The following ANXA8 variants were observed in gnomAD, a reference collection of about 807,000 sequenced individuals.
ANXA8 encodes the protein VAC-beta.
A neutral mutation model predicts 26.8 loss-of-function variants in ANXA8; 9 were observed. The observed-to-expected ratio is 0.34, with a 90% CI of 0.20 to 0.59. The LOEUF is 0.59. Among genes scored for constraint, ANXA8 ranks in the 20% least tolerant of loss-of-function variants. ANXA8 has a pLI of 0.84. For synonymous variants in ANXA8, 39 were observed against 94.8 expected (o/e 0.41, Z 3.42); for missense variants, 83 against 238.5 (o/e 0.35, Z 4.29).
chr10:47,670,155 T>C, the ANXA8 span, among the ~76,000 whole-genome samples: 7 of 152,092 alleles, frequency 4.6e-5, no homozygotes, highest in East Asian at 1.3e-3. Flanking sequence ...CATAATATTT[T>C]TGTGGTTCAT....
chr10:47,671,834 A>C, the ANXA8 span, among the ~76,000 whole-genome samples: 1 of 151,708 alleles, frequency 6.6e-6, no homozygotes, highest in Admixed American at 6.6e-5. Flanking sequence ...GAAAAAAATA[A>C]TTTTTAATTA....
At chr10:47,487,534 C>T, upstream of ANXA8, 1 of 463,854 alleles carries the variant, frequency 2.2e-6, no homozygotes, top group South Asian at 2.4e-5. Context: ...CCAAGGGCAG[C>T]AGGATTACTG....
chr10:47,669,520 A>G, the ANXA8 span, among the ~76,000 whole-genome samples: 2 of 150,788 alleles, frequency 1.3e-5, no homozygotes, highest in African/African-American at 4.9e-5. Flanking sequence ...GGAGTTTGAG[A>G]GAAGCCTGGG....
chr10:47,627,541 T>C, the ANXA8 span, among the ~76,000 whole-genome samples: 2 of 149,986 alleles, frequency 1.3e-5, no homozygotes, highest in Non-Finnish European at 2.9e-5. Context: ...TTTCTGTTTA[T>C]CTCCACCACT....
the ANXA8 span, among the ~76,000 whole-genome samples, chr10:47,942,175 C>A: frequency 6.8e-6 from 1 of 146,456 alleles, no homozygotes; most frequent in Non-Finnish European, 1.5e-5. Flanking sequence ...TTTTTATATT[C>A]CTTAAATTTA....
At chr10:47,706,546 T>C in the ANXA8 span, 2 of 649,934 alleles carry the variant, frequency 3.1e-6, no homozygotes, top group Admixed American at 2.5e-5. Flanking sequence ...ATACCTATTA[T>C]GTTGGTTGGA....
the ANXA8 span, among the ~76,000 whole-genome samples, chr10:47,556,041 GAT>G: frequency 6.6e-6 from 1 of 151,888 alleles, no homozygotes; most frequent in East Asian, 1.9e-4. Flanking sequence ...AAGAGGCAAA[GAT>G]AACTACAAAA....
At chr10:47,684,622 G>A in the ANXA8 span, among the ~76,000 whole-genome samples, 2 of 151,886 alleles carry the variant, frequency 1.3e-5, no homozygotes, top group Non-Finnish European at 2.9e-5. Context: ...GTCTCGCTCT[G>A]TTGTCCAGGC....
At chr10:47,940,846 A>T in the ANXA8 span, among the ~76,000 whole-genome samples, 1 of 144,118 alleles carries the variant, frequency 6.9e-6, no homozygotes, top group Admixed American at 6.9e-5. Context: ...AAAAGAAAAG[A>T]AAAGAAAGCA....
the ANXA8 span, among the ~76,000 whole-genome samples, chr10:47,682,507 T>C: frequency 6.7e-5 from 10 of 149,156 alleles, no homozygotes; most frequent in African/African-American, 2.0e-4. Context: ...TCTCGCTCTG[T>C]CGCCCAGGCT....
the ANXA8 span, among the ~76,000 whole-genome samples, chr10:47,681,488 T>C: frequency 1.3e-5 from 2 of 150,344 alleles, no homozygotes; most frequent in Non-Finnish European, 3.0e-5. Context: ...GAGTTCATGA[T>C]TACTAGTCTT....
the ANXA8 span, among the ~76,000 whole-genome samples, chr10:47,652,568 G>A: frequency 6.6e-6 from 1 of 150,740 alleles, no homozygotes; most frequent in Non-Finnish European, 1.5e-5. Flanking sequence ...CTGCCCTCCA[G>A]CCTGGTCAAC....
the ANXA8 span, among the ~76,000 whole-genome samples, chr10:47,953,509 G>T: frequency 6.6e-6 from 1 of 150,756 alleles, no homozygotes; most frequent in Non-Finnish European, 1.5e-5. Context: ...AAAACAGTTT[G>T]GAAGTTTCTT....
the ANXA8 span, among the ~76,000 whole-genome samples, chr10:47,561,217 T>A: frequency 6.6e-6 from 1 of 151,868 alleles, no homozygotes; most frequent in African/African-American, 2.4e-5. Context: ...CAAATAATTA[T>A]CATTTTTTCT....
At chr10:47,778,920 TATG>T in the ANXA8 span, among the ~76,000 whole-genome samples, 4 of 151,442 alleles carry the variant, frequency 2.6e-5, no homozygotes, top group Non-Finnish European at 1.5e-5. Flanking sequence ...TATGATATGA[TATG>T]ATATGATATG....
the ANXA8 span, among the ~76,000 whole-genome samples, chr10:47,522,528 A>C: frequency 1.3e-5 from 2 of 149,582 alleles, no homozygotes; most frequent in Non-Finnish European, 2.9e-5. Context: ...AGTTAGAAGA[A>C]ACTAAGCAGC....
At chr10:47,525,950 A>G in the ANXA8 span, among the ~76,000 whole-genome samples, 1 of 135,004 alleles carries the variant, frequency 7.4e-6, no homozygotes, top group Non-Finnish European at 1.6e-5. Flanking sequence ...GATTGCAGGC[A>G]TGCGTCACCA....
At chr10:47,905,079 CA>C in the ANXA8 span, among the ~76,000 whole-genome samples, 1 of 148,310 alleles carries the variant, frequency 6.7e-6, no homozygotes, top group Non-Finnish European at 1.5e-5. Context: ...TAACACAATG[CA>C]AAATCTATTT....
At chr10:47,972,650 C>T in the ANXA8 span, among the ~76,000 whole-genome samples, 10 of 96,488 alleles carry the variant, frequency 1.0e-4, 1 homozygote, top group African/African-American at 3.4e-4. Context: ...AGCAGAGTTT[C>T]CTAAAAGCTC....
Sources: gnomAD v4.1 joint callset for allele counts (sites outside exome capture counted in the v4.1 genomes callset) on GRCh38, gnomAD v4.1.1 for gene constraint, MANE v1.5 for transcripts, NCBI Gene and HGNC (gene_info 2026-07-23, HGNC 2026-07-21) for gene names.